Variants in SYTL5 observed in about 807,000 individuals in gnomAD.
The protein encoded by SYTL5 is synaptotagmin-like protein 5.
SYTL5 carries 34 observed loss-of-function variants against 55.9 expected under a neutral mutation model. That is an observed-to-expected ratio of 0.61 (90% CI 0.46 to 0.81). The LOEUF is 0.81. SYTL5 is among the 30% of genes least tolerant of loss of function. The pLI is 0.00. For missense variants in SYTL5, 637 were observed against 546.7 expected, an observed-to-expected ratio of 1.17 and a Z score of -1.65; for synonymous variants, 221 against 188.7, an observed-to-expected ratio of 1.17 and a Z score of -1.40.
At chrX:38,086,487 CAT>C (rs1255975915) in intron 6 of SYTL5, among the ~76,000 whole-genome samples, 6 of 112,219 alleles carry the variant, frequency 5.3e-5, no homozygotes, top group Admixed American at 3.8e-4. Flanking sequence ...CAGACAGTGA[CAT>C]ATCCCCACAT....
chrX:37,914,021 A>G, the SYTL5 span, among the ~76,000 whole-genome samples: 3 of 111,984 alleles, frequency 2.7e-5, no homozygotes, highest in Non-Finnish European at 5.6e-5. Flanking sequence ...TTCTATGATG[A>G]GGCAAAATAC....
At chrX:37,972,203 A>T in the SYTL5 span, among the ~76,000 whole-genome samples, 3 of 111,103 alleles carry the variant, frequency 2.7e-5, no homozygotes, top group African/African-American at 9.8e-5. Context: ...TGAAAAACTC[A>T]GTCTCTCATT....
At chrX:38,087,508 T>A (rs1485936716) in intron 6 of SYTL5, among the ~76,000 whole-genome samples, 1 of 112,343 alleles carries the variant, frequency 8.9e-6, no homozygotes, top group Non-Finnish European at 1.9e-5. Flanking sequence ...CTTAGAGATC[T>A]TCTCAGCTGA....
chrX:37,993,886 G>T, the SYTL5 span, among the ~76,000 whole-genome samples: 202 of 112,252 alleles, frequency 1.8e-3, no homozygotes, highest in Non-Finnish European at 3.3e-3. Flanking sequence ...AGGGCAACCA[G>T]GTTCCTCTCA....
chrX:38,064,225 G>A (rs59260778), intron 3 of SYTL5, among the ~76,000 whole-genome samples: 1,594 of 111,160 alleles, frequency 0.014, 11 homozygotes, highest in Middle Eastern at 0.023. Flanking sequence ...CACACCAAAC[G>A]GTATGAGCAT....
chrX:38,013,097 G>C (rs755661350), intron 1 of SYTL5, among the ~76,000 whole-genome samples: 2 of 112,282 alleles, frequency 1.8e-5, no homozygotes, highest in Non-Finnish European at 3.8e-5. Flanking sequence ...CCATGTTCAA[G>C]AAGGAAGAAT....
upstream of SYTL5, among the ~76,000 whole-genome samples, chrX:38,002,019 C>G (rs1415701451): frequency 1.8e-5 from 2 of 109,560 alleles, no homozygotes; most frequent in African/African-American, 6.7e-5. Flanking sequence ...TCCCCACTCC[C>G]CCCACCCCAC....
the SYTL5 span, among the ~76,000 whole-genome samples, chrX:37,931,475 T>C: frequency 8.9e-6 from 1 of 111,825 alleles, no homozygotes; most frequent in Non-Finnish European, 1.9e-5. Flanking sequence ...CTAAAAGGCT[T>C]TCCCTGACCA....
chrX:37,938,925 G>A, the SYTL5 span, among the ~76,000 whole-genome samples: 3 of 111,830 alleles, frequency 2.7e-5, no homozygotes, highest in African/African-American at 9.7e-5. Flanking sequence ...AAATGAGCCT[G>A]CATTAATACA....
chrX:37,897,962 G>A, the SYTL5 span, among the ~76,000 whole-genome samples: 1 of 111,589 alleles, frequency 9.0e-6, no homozygotes, highest in Non-Finnish European at 1.9e-5. Flanking sequence ...ACTGTGTGTG[G>A]AGGTGGGTAC....
chrX:38,039,696 T>C (rs1226210719), intron 2 of SYTL5, among the ~76,000 whole-genome samples: 2 of 111,817 alleles, frequency 1.8e-5, no homozygotes, highest in African/African-American at 3.3e-5. Context: ...CCACCATACA[T>C]GAAAACATAT....
the SYTL5 span, chrX:37,990,968 A>T: frequency 8.3e-7 from 1 of 1,211,987 alleles, no homozygotes; most frequent in Non-Finnish European, 1.1e-6. Flanking sequence ...GAGACGTCCA[A>T]AGCCAGAGTT....
chrX:38,019,372 T>A (rs143056157), intron 1 of SYTL5, among the ~76,000 whole-genome samples: 1,790 of 112,038 alleles, frequency 0.016, 17 homozygotes, highest in Non-Finnish European at 0.026. Context: ...CTATTTCTTC[T>A]GGACTAGTTG....
At chrX:38,060,885 C>A (rs932528865) in intron 3 of SYTL5, among the ~76,000 whole-genome samples, 1 of 111,477 alleles carries the variant, frequency 9.0e-6, no homozygotes, top group African/African-American at 3.3e-5. Flanking sequence ...ATTGGTGTAA[C>A]AATAATTTAA....
chrX:37,998,691 C>T, the SYTL5 span, among the ~76,000 whole-genome samples: 6 of 111,947 alleles, frequency 5.4e-5, no homozygotes, highest in South Asian at 1.1e-3. Context: ...GTGGGCACAG[C>T]GAGCCCAGCA....
chrX:37,931,503 A>AT, the SYTL5 span, among the ~76,000 whole-genome samples: 1 of 111,751 alleles, frequency 8.9e-6, no homozygotes, highest in Non-Finnish European at 1.9e-5. Context: ...AAAAGTGACT[A>AT]TATCACTTTA....
chrX:38,024,739 G>A (rs928368033), intron 1 of SYTL5, among the ~76,000 whole-genome samples: 1 of 111,728 alleles, frequency 9.0e-6, no homozygotes, highest in Non-Finnish European at 1.9e-5. Context: ...ATAAGTGTTA[G>A]TGGTTATTAT....
chrX:38,046,071 G>A (rs1935453310), intron 2 of SYTL5, among the ~76,000 whole-genome samples: 1 of 111,657 alleles, frequency 9.0e-6, no homozygotes, highest in African/African-American at 3.3e-5. Context: ...CCAGTGGGAG[G>A]ATACTGGTGT....
the SYTL5 span, among the ~76,000 whole-genome samples, chrX:37,915,015 G>A: frequency 9.0e-6 from 1 of 111,454 alleles, no homozygotes; most frequent in Non-Finnish European, 1.9e-5. Flanking sequence ...TCCTCTCTGC[G>A]CCTGTGTCCA....
Sources: allele counts gnomAD v4.1 joint callset (sites outside exome capture counted in the v4.1 genomes callset), GRCh38; gene constraint gnomAD v4.1.1; transcripts MANE v1.5; gene names NCBI Gene and HGNC (gene_info 2026-07-23, HGNC 2026-07-21).